Variants in FBN2 observed in about 807,000 individuals in gnomAD.
FBN2 encodes the protein fibrillin-2.
In FBN2, 105 loss-of-function variants were observed where a neutral mutation model predicts 355.6. The observed-to-expected ratio is 0.30, with a 90% CI of 0.25 to 0.35. The LOEUF (loss-of-function observed/expected upper bound fraction) is 0.35, where lower values mean the gene tolerates loss of function less well. Ranked by LOEUF, FBN2 falls within the 10% of genes least tolerant of loss-of-function variation. The pLI is 1.00. For synonymous variants in FBN2, 1,350 were observed against 1,301.2 expected (o/e 1.04, Z -0.81); for missense variants, 3,280 against 3,758.7 (o/e 0.87, Z 3.33).
chr5:128,305,416 A>C, intron 44 of FBN2, 95 bp downstream of exon 44: 1 of 1,441,800 alleles, frequency 6.9e-7, no homozygotes, highest in South Asian at 1.2e-5. Flanking sequence ...GTTAAGTGAG[A>C]AAATCTTTCC....
chr5:128,299,699 C>A (rs1386714740), intron 48 of FBN2, among the ~76,000 whole-genome samples: 9 of 152,136 alleles, frequency 5.9e-5, no homozygotes, highest in African/African-American at 1.7e-4. Context: ...AGTGCATGCA[C>A]CCACTGACCT....
chr5:128,274,579 T>A lies in FBN2; in HGVS notation c.7699A>T (p.Thr2567Ser). 1 of 1,596,178 alleles carries A rather than the reference T, an allele frequency of 6.3e-7. No individual in the cohort carries two copies. The highest frequency in any genetic ancestry group is 8.6e-7 in the Non-Finnish European group (1 of 1,163,678). ...AACTTTGTCTTACCGATACAAGCAG[T>A]GTGATGCTGTGTGAAACCAGGTGGA... is the stretch of plus-strand genomic sequence containing the variant. ...KCPPGFTQHH[T>S]ACIDNNECGS... The change falls in exon 60 of 65, where the codon ACT (threonine) becomes TCT (serine). Residue 2567 changes from threonine (T) to serine (S), a missense_variant. Coordinates refer to ENST00000262464, the MANE Select transcript of FBN2 (RefSeq NM_001999.4).
At position 128,408,389 on chromosome 5, in the gene FBN2, T is replaced by G. The variant is rs11957315; in HGVS notation, c.1078+285A>C. 3.2e-3 allele frequency among the ~76,000 whole-genome samples: 483 copies of G among 152,356 alleles called. 2 individuals are homozygous for G. The highest frequency in any genetic ancestry group is 0.011 in the African/African-American group (469 of 41,592). On this transcript the variant is annotated intron_variant, in intron 8 of 64. Coordinates refer to ENST00000262464, the MANE Select transcript of FBN2 (RefSeq NM_001999.4). ...AAAAGAAGCTTTAATTACTACATTCTGTCTCCCAAAGCAGATTTTAAAAAA... is the reference window on the plus strand; with the variant it reads ...AAAAGAAGCTTTAATTACTACATTCGGTCTCCCAAAGCAGATTTTAAAAAA...
At chr5:128,272,905 T>C (rs1306941332) in intron 61 of FBN2, among the ~76,000 whole-genome samples, 1 of 152,124 alleles carries the variant, frequency 6.6e-6, no homozygotes, top group Non-Finnish European at 1.5e-5. Flanking sequence ...TTTCAACGTC[T>C]CAACGATTTG....
intron 18 of FBN2, 52 bp downstream of exon 18, chr5:128,364,548 A>G: frequency 6.5e-7 from 1 of 1,536,084 alleles, no homozygotes; most frequent in Admixed American, 1.7e-5. Context: ...AATATAATCC[A>G]TGGGATTAAA....
At chr5:128,381,955 A>T (rs1290987462) in intron 11 of FBN2, among the ~76,000 whole-genome samples, 1 of 152,026 alleles carries the variant, frequency 6.6e-6, no homozygotes, top group African/African-American at 2.4e-5. Flanking sequence ...TATTTGGCCC[A>T]CATTTTCTTT....
chr5:128,455,076 T>G (rs574838163), intron 6 of FBN2, among the ~76,000 whole-genome samples: 2 of 152,110 alleles, frequency 1.3e-5, no homozygotes, highest in Non-Finnish European at 2.9e-5. Context: ...ACCTAAAAGA[T>G]CCAAAGCCAA....
At chr5:128,272,173 A>G in intron 61 of FBN2, 55 bp from the exon 62 acceptor site, 5 of 1,609,416 alleles carry the variant, frequency 3.1e-6, no homozygotes, top group Non-Finnish European at 4.3e-6. Context: ...ACTATTTTTA[A>G]ATGCACTCCA....
At chr5:128,432,927 A>G (rs1406792112) in intron 7 of FBN2, among the ~76,000 whole-genome samples, 1 of 152,044 alleles carries the variant, frequency 6.6e-6, no homozygotes, top group Non-Finnish European at 1.5e-5. Context: ...CGGCAGCAGG[A>G]GAGTAAGCCT....
At chr5:128,469,941 G>C (rs1754812035) in intron 5 of FBN2, among the ~76,000 whole-genome samples, 1 of 152,166 alleles carries the variant, frequency 6.6e-6, no homozygotes, top group Admixed American at 6.5e-5. Context: ...ACAGAATTTA[G>C]AATATATGGA....
intron 55 of FBN2, among the ~76,000 whole-genome samples, chr5:128,285,697 C>A (rs1387104170): frequency 6.6e-6 from 1 of 151,994 alleles, no homozygotes; most frequent in Non-Finnish European, 1.5e-5. Context: ...GCAAGTCATC[C>A]AGATCATTTA....
chr5:128,519,083 T>G (rs528661099), intron 5 of FBN2, among the ~76,000 whole-genome samples, 190 bp downstream of exon 5: 1 of 152,220 alleles, frequency 6.6e-6, no homozygotes, highest in African/African-American at 2.4e-5. Flanking sequence ...AGTTCACTGG[T>G]GGAAAAAGTT....
At chr5:128,292,808 A>G (rs1161181144) in intron 48 of FBN2, among the ~76,000 whole-genome samples, 1 of 152,100 alleles carries the variant, frequency 6.6e-6, no homozygotes, top group Non-Finnish European at 1.5e-5. Flanking sequence ...GACCTAGACA[A>G]TCATCAATCC....
Position 128,290,964 on chromosome 5 carries a change from G to T in FBN2, c.6293-80C>A. On this transcript the variant is annotated intron_variant, in intron 49 of 64. Transcript: ENST00000262464. ...AGAACATTTCTCATTGTAGAACACG[G>T]GATGCAGACTAGATCAGCAGTTAAG... is the stretch of plus-strand genomic sequence containing the variant. 5 of 1,357,982 alleles carry T rather than the reference G, an allele frequency of 3.7e-6. No individual in the cohort carries two copies. The South Asian group carries it at 5.9e-5, about 16-fold the overall frequency. The allele number at this position is 1,357,982 out of a possible 1,614,324, so 84.1% of individuals were successfully genotyped here.
intron 48 of FBN2, among the ~76,000 whole-genome samples, chr5:128,295,135 C>G (rs1490727250): frequency 2.0e-5 from 3 of 147,432 alleles, no homozygotes; most frequent in South Asian, 2.2e-4. Flanking sequence ...TGTCAAAGAT[C>G]AGATAGTTGT....
intron 8 of FBN2, 54 bp from the exon 9 acceptor site, chr5:128,395,328 C>A (rs1320986475): frequency 8.2e-6 from 13 of 1,589,028 alleles, no homozygotes; most frequent in African/African-American, 1.3e-5. Context: ...CAGGTTCTTA[C>A]AACAATCACT....
At chr5:128,269,289 A>C in intron 62 of FBN2, among the ~76,000 whole-genome samples, 1 of 148,016 alleles carries the variant, frequency 6.8e-6, no homozygotes, top group Admixed American at 6.8e-5. Flanking sequence ...AATAGTAATA[A>C]TAATAATAAT....
intron 34 of FBN2, among the ~76,000 whole-genome samples, chr5:128,320,588 T>A (rs1170128502): frequency 6.6e-6 from 1 of 152,218 alleles, no homozygotes; most frequent in Non-Finnish European, 1.5e-5. Context: ...AAAGAACGCA[T>A]TTTAAAAGAT....
At chr5:128,300,227 T>C (rs887078214) in intron 48 of FBN2, among the ~76,000 whole-genome samples, 1 of 152,232 alleles carries the variant, frequency 6.6e-6, no homozygotes, top group African/African-American at 2.4e-5. Context: ...ATAATTTGTA[T>C]AAAAGTGAAA....
Sources: gnomAD v4.1 joint callset for allele counts (sites outside exome capture counted in the v4.1 genomes callset) on GRCh38, gnomAD v4.1.1 for gene constraint, MANE v1.5 for transcripts, NCBI Gene and HGNC (gene_info 2026-07-23, HGNC 2026-07-21) for gene names.